Variants in DCAF6 observed in about 807,000 individuals in gnomAD.
The protein encoded by DCAF6 is DDB1- and CUL4-associated factor 6.
DCAF6 carries 54 observed loss-of-function variants against 125.1 expected under a neutral mutation model. The observed-to-expected ratio is 0.43, with a 90% CI of 0.35 to 0.54. DCAF6 has a LOEUF of 0.54. DCAF6 is among the 20% of genes least tolerant of loss of function. DCAF6 has a pLI of 0.01. For synonymous variants in DCAF6, 371 were observed against 390.4 expected (o/e 0.95, Z 0.58); for missense variants, 934 against 1,161.7 (o/e 0.80, Z 2.85).
At chr1:168,043,201 C>T in intron 14 of DCAF6, 61 bp downstream of exon 14, 1 of 1,240,468 alleles carries the variant, frequency 8.1e-7, no homozygotes, top group Non-Finnish European at 1.2e-6. Flanking sequence ...TATCTACTTT[C>T]CTGTTCCCTT....
At chr1:168,047,687 T>C in intron 16 of DCAF6, among the ~76,000 whole-genome samples, 1 of 151,870 alleles carries the variant, frequency 6.6e-6, no homozygotes, top group East Asian at 1.9e-4. Flanking sequence ...TGAAAGTAAA[T>C]ACAATTATAT....
At chr1:167,874,311 A>G in the DCAF6 span, among the ~76,000 whole-genome samples, 2 of 152,326 alleles carry the variant, frequency 1.3e-5, no homozygotes, top group Admixed American at 1.3e-4. Flanking sequence ...AGCCTGGGCA[A>G]CAGAGTGAGA....
the DCAF6 span, chr1:167,902,126 A>C: frequency 1.4e-6 from 2 of 1,416,126 alleles, no homozygotes; most frequent in Non-Finnish European, 2.0e-6. Context: ...ATTCTTTCTT[A>C]GTGGAATAGA....
chr1:167,922,170 C>T, the DCAF6 span, among the ~76,000 whole-genome samples: 1 of 152,072 alleles, frequency 6.6e-6, no homozygotes, highest in South Asian at 2.1e-4. Flanking sequence ...AGTCTCCCCA[C>T]CAGAGAACAA....
At chr1:167,891,683 G>C in the DCAF6 span, among the ~76,000 whole-genome samples, 40,738 of 150,038 alleles carry the variant, frequency 0.27, 5,728 homozygotes, top group Middle Eastern at 0.37. Context: ...AAAGAAAGGA[G>C]AGTGTTCCCA....
chr1:167,934,648 T>C (rs1011796469), upstream of DCAF6, among the ~76,000 whole-genome samples: 1 of 152,214 alleles, frequency 6.6e-6, no homozygotes, highest in Non-Finnish European at 1.5e-5. Context: ...AGAGAGCTGG[T>C]TCATAATCAG....
intron 10 of DCAF6, among the ~76,000 whole-genome samples, chr1:168,013,662 TTCTC>T (rs1274517303): frequency 6.6e-6 from 1 of 152,126 alleles, no homozygotes; most frequent in East Asian, 1.9e-4. Flanking sequence ...AGCATCATCT[TTCTC>T]TCTCCTTCAG....
chr1:167,985,215 T>TG (rs1265623105), intron 4 of DCAF6, among the ~76,000 whole-genome samples: 7 of 148,830 alleles, frequency 4.7e-5, no homozygotes, highest in East Asian at 2.0e-4. Flanking sequence ...GTGTGTGGTG[T>TG]GTGTGTGTGT....
chr1:167,884,720 C>T, the DCAF6 span, among the ~76,000 whole-genome samples: 23,971 of 130,330 alleles, frequency 0.18, 2,288 homozygotes, highest in Middle Eastern at 0.28. Flanking sequence ...TTTTTTGAGA[C>T]GGAGTCTCGC....
In DCAF6 at chr1:168,015,824, G is replaced by A; in HGVS notation, c.1422G>A (p.Leu474=). 6.5e-7 allele frequency: 1 copy of A among 1,532,962 alleles called. No individual in the cohort carries two copies. The highest frequency in any genetic ancestry group is 8.8e-7 in the Non-Finnish European group (1 of 1,137,714). The allele number at this position is 1,532,962 out of a possible 1,614,324, so 95.0% of individuals were successfully genotyped here. The change falls in exon 11 of 22, where the codon CTG becomes CTA. Residue 474 remains leucine (L), a synonymous_variant. Transcript: ENST00000367840. ...GPEIALLRKR[L]QQLRLKKAEQ... Reference sequence around the variant, plus strand: ...AGATAGCTTTGCTTCGTAAGCGCCTGCAACAACTGAGGCTTAAGAAGGCTG... The same window carrying A: ...AGATAGCTTTGCTTCGTAAGCGCCTACAACAACTGAGGCTTAAGAAGGCTG...
intron 1 of DCAF6, among the ~76,000 whole-genome samples, chr1:167,938,601 T>C (rs1199797951): frequency 6.6e-6 from 1 of 152,204 alleles, no homozygotes; most frequent in Admixed American, 6.5e-5. Context: ...CCAAAAAAAG[T>C]GTGCAGTATT....
intron 4 of DCAF6, among the ~76,000 whole-genome samples, chr1:167,976,323 G>A (rs905270345): frequency 2.6e-5 from 4 of 152,056 alleles, no homozygotes; most frequent in Non-Finnish European, 5.9e-5. Context: ...ACAGGAATCA[G>A]CTGGGTGTGG....
chr1:168,036,297 A>G (rs1407240976), intron 12 of DCAF6, among the ~76,000 whole-genome samples: 1 of 152,178 alleles, frequency 6.6e-6, no homozygotes, highest in Non-Finnish European at 1.5e-5. Context: ...GTTTTCATAT[A>G]TCATTTAAAT....
chr1:168,045,733 A>T (rs1467834165), intron 16 of DCAF6, among the ~76,000 whole-genome samples: 1 of 152,204 alleles, frequency 6.6e-6, no homozygotes, highest in Non-Finnish European at 1.5e-5. Flanking sequence ...GAAAAATTAT[A>T]CCAAATAAAT....
chr1:167,976,886 G>GTTTTTTTTTTT (rs397981860), intron 4 of DCAF6, among the ~76,000 whole-genome samples: 4 of 38,010 alleles, frequency 1.1e-4, no homozygotes, highest in Non-Finnish European at 1.0e-4. Context: ...TCCTTTAGCA[G>GTTTTTTTTTTT]TTTTTTTTTT....
At chr1:167,999,507 G>A (rs529329172) in intron 7 of DCAF6, among the ~76,000 whole-genome samples, 1 of 152,272 alleles carries the variant, frequency 6.6e-6, no homozygotes, top group African/African-American at 2.4e-5. Context: ...TGTTTCATTT[G>A]CATTGGAAAT....
chr1:167,879,281 A>T, the DCAF6 span, among the ~76,000 whole-genome samples: 12 of 152,344 alleles, frequency 7.9e-5, no homozygotes, highest in Admixed American at 3.3e-4. Flanking sequence ...AGGGTGGTTT[A>T]TGAAGATTAA....
intron 8 of DCAF6, 38 bp downstream of exon 8, chr1:168,002,613 A>G: frequency 2.0e-6 from 3 of 1,483,898 alleles, no homozygotes; most frequent in Non-Finnish European, 2.8e-6. Flanking sequence ...TGTATATGGT[A>G]TTTTAAAATT....
chr1:167,937,210 C>T (rs1571540981), intron 1 of DCAF6: 2 of 600,036 alleles, frequency 3.3e-6, no homozygotes, highest in Non-Finnish European at 6.1e-6. Flanking sequence ...CCAGCCGCCG[C>T]CCTTGCTGGG....
Sources: gnomAD v4.1 joint callset for allele counts (sites outside exome capture counted in the v4.1 genomes callset) on GRCh38, gnomAD v4.1.1 for gene constraint, MANE v1.5 for transcripts, NCBI Gene and HGNC (gene_info 2026-07-23, HGNC 2026-07-21) for gene names.